KCNG2: variants seen among roughly 807,000 people sequenced by gnomAD.
KCNG2 encodes the protein potassium voltage-gated channel modifier subfamily G member 2.
In KCNG2, 7 loss-of-function variants were observed where a neutral mutation model predicts 12.3. The ratio of observed to expected loss-of-function variants is 0.57; its 90% CI spans 0.32 to 1.07. The LOEUF is 1.07. Ranked by LOEUF, KCNG2 falls within the 50% of genes least tolerant of loss-of-function variation. The pLI is 0.04. For missense variants in KCNG2, 703 were observed against 726.0 expected (o/e 0.97, Z 0.36); for synonymous variants, 414 against 351.4 (o/e 1.18, Z -1.99).
chr18:79,892,794 G>A (rs1415718473), intron 3 of KCNG2, among the ~76,000 whole-genome samples: 1 of 151,150 alleles, frequency 6.6e-6, no homozygotes, highest in Non-Finnish European at 1.5e-5. Flanking sequence ...TTGGGTCTGT[G>A]TCTGCTTTTC....
rs773489126 is a variant in KCNG2 at position 79,899,726 on chromosome 18, C to G, written c.1311C>G (p.Ala437=). Residue 437 remains alanine (A), a synonymous_variant, in exon 4 of 4, where the codon GCC becomes GCG. Coordinates refer to ENST00000316249, the MANE Select transcript of KCNG2 (RefSeq NM_012283.2). ...PALQEDSTHS[A]TATEDSSQGP... is the part of the protein sequence containing the mutation. ...TGCAGGAGGACAGCACGCACTCGGC[C>G]ACAGCCACCGAGGACAGCTCGCAGG... The G allele has an allele frequency of 6.2e-7, 1 of 1,601,362 alleles. No homozygotes were observed. Among genetic ancestry groups the G allele is most frequent in the Non-Finnish European group, 8.5e-7 (1 of 1,176,716 alleles).
chr18:79,853,452 C>T (rs1978896324), intron 1 of KCNG2, among the ~76,000 whole-genome samples: 1 of 152,064 alleles, frequency 6.6e-6, no homozygotes. Flanking sequence ...GCGGGACTCG[C>T]CTGGGTGCCG....
chr18:79,823,433 C>T (rs769116149), intron 1 of KCNG2, among the ~76,000 whole-genome samples: 1 of 152,320 alleles, frequency 6.6e-6, no homozygotes, highest in South Asian at 2.1e-4. Flanking sequence ...TGCCCCGTGT[C>T]GAGCGCTGTT....
intron 1 of KCNG2, among the ~76,000 whole-genome samples, chr18:79,817,535 A>G (rs1483464121): frequency 2.0e-5 from 3 of 152,226 alleles, no homozygotes; most frequent in African/African-American, 4.8e-5. Flanking sequence ...ATTATCACAT[A>G]CATGTGGTTG....
chr18:79,863,923 C>A lies in KCNG2; in HGVS notation c.256C>A (p.Arg86Ser). 7.2e-7 allele frequency: 1 copy of A among 1,380,006 alleles called. No homozygotes were observed. The highest frequency in any genetic ancestry group is 9.4e-7 in the Non-Finnish European group (1 of 1,061,746). 85.5% of individuals were successfully genotyped at this position (1,380,006 alleles called of 1,614,324 possible). A position where few individuals can be genotyped will look rare whatever the true frequency, so the allele number is the denominator to read the frequency against. The change falls in exon 3 of 4, where the codon CGC (arginine) becomes AGC (serine). Residue 86 changes from arginine (R) to serine (S), a missense_variant. By Grantham distance (110) the Arg-to-Ser change is moderately radical (BLOSUM62 -1). Coordinates refer to ENST00000316249, the MANE Select transcript of KCNG2 (RefSeq NM_012283.2). Reference protein sequence around the residue: ...CAFRAIVALLRAGKLRLLRGP... With the variant: ...CAFRAIVALLSAGKLRLLRGP... ...CTTCCGCGCCATCGTGGCGCTTTTGCGCGCAGGGAAGCTGCGACTGCTGCG... is the reference window on the plus strand; with the variant it reads ...CTTCCGCGCCATCGTGGCGCTTTTGAGCGCAGGGAAGCTGCGACTGCTGCG...
At chr18:79,867,192 GA>G (rs1375519761) in intron 3 of KCNG2, among the ~76,000 whole-genome samples, 1 of 151,686 alleles carries the variant, frequency 6.6e-6, no homozygotes, top group African/African-American at 2.4e-5. Context: ...GGTGCTGAGA[GA>G]TCTGGGTGCT....
intron 1 of KCNG2, among the ~76,000 whole-genome samples, chr18:79,820,194 G>A (rs906935736): frequency 9.9e-5 from 15 of 152,208 alleles, no homozygotes; most frequent in African/African-American, 3.4e-4. Flanking sequence ...GTCGGCGCTT[G>A]TATCCTCTGT....
At position 79,864,078 on chromosome 18, in the gene KCNG2, GACGGAGC is replaced by G; in HGVS notation, c.412_418del (p.Thr138AlafsTer57). The G allele has an allele frequency of 1.9e-6, 2 of 1,063,360 alleles. No homozygotes were observed. Among genetic ancestry groups the G allele is most frequent in the African/African-American group, 3.4e-5 (2 of 58,046 alleles). The allele number at this position is 1,063,360 out of a possible 1,614,324, so 65.9% of individuals were successfully genotyped here. ...AGGCGGCCGAGGCCCGCGCGGGGCC[GACGGAGC>G]GCGGGGCGCAGGGGAGCCCGGCGCG... On this transcript the variant is annotated frameshift_variant, in exon 3 of 4. Transcript: ENST00000316249. LOFTEE classifies it high-confidence loss of function.
At chr18:79,881,667 T>C (rs1450365275) in intron 3 of KCNG2, among the ~76,000 whole-genome samples, 1 of 152,232 alleles carries the variant, frequency 6.6e-6, no homozygotes, top group Non-Finnish European at 1.5e-5. Flanking sequence ...GTGACTAAGA[T>C]GTCCACCCTC....
intron 1 of KCNG2, among the ~76,000 whole-genome samples, chr18:79,855,062 T>A (rs376309651): frequency 4.6e-5 from 7 of 152,350 alleles, no homozygotes; most frequent in African/African-American, 1.7e-4. Flanking sequence ...TTTTTTGTAA[T>A]GTCTTTGCTT....
At chr18:79,895,142 A>G (rs951387165) in intron 3 of KCNG2, among the ~76,000 whole-genome samples, 17 of 150,888 alleles carry the variant, frequency 1.1e-4, no homozygotes, top group African/African-American at 4.2e-4. Context: ...TAATGGTACA[A>G]TTGATATAGT....
intron 1 of KCNG2, among the ~76,000 whole-genome samples, chr18:79,814,219 T>C (rs1369385519): frequency 6.6e-6 from 1 of 152,186 alleles, no homozygotes; most frequent in Non-Finnish European, 1.5e-5. Flanking sequence ...AACATGTCAC[T>C]CCCGTATGAC....
intron 3 of KCNG2, among the ~76,000 whole-genome samples, chr18:79,871,604 A>G (rs928475564): frequency 3.9e-5 from 6 of 152,086 alleles, no homozygotes; most frequent in African/African-American, 1.4e-4. Context: ...CAGCAAGTCG[A>G]GTGGGCGGTG....
intron 1 of KCNG2, among the ~76,000 whole-genome samples, chr18:79,819,816 C>T (rs907397244): frequency 2.0e-5 from 3 of 152,224 alleles, no homozygotes; most frequent in African/African-American, 7.2e-5. Context: ...TCTTCCATTG[C>T]CCTCAACAGG....
At chr18:79,830,661 C>T (rs143859878) in intron 1 of KCNG2, among the ~76,000 whole-genome samples, 9 of 152,274 alleles carry the variant, frequency 5.9e-5, no homozygotes, top group Non-Finnish European at 1.0e-4. Flanking sequence ...GCATTCCCTG[C>T]GGACAGAGCC....
chr18:79,888,718 TCTCA>T (rs946296649), intron 3 of KCNG2, among the ~76,000 whole-genome samples: 7 of 151,680 alleles, frequency 4.6e-5, no homozygotes, highest in African/African-American at 1.7e-4. Flanking sequence ...TTTTAGAGAG[TCTCA>T]CTCTGTCGCC....
intron 1 of KCNG2, among the ~76,000 whole-genome samples, chr18:79,838,326 G>A (rs113365976): frequency 6.6e-6 from 1 of 151,946 alleles, no homozygotes; most frequent in African/African-American, 2.4e-5. Context: ...GAGCATAATG[G>A]AATAAAACTG....
In KCNG2 at chr18:79,803,126, C is replaced by T. The variant is rs992211610; in HGVS notation, c.-115+5112C>T. ...CCGGAAGGCGGAGCTTGCAGTGAGCCGAGATCGCGCCACTGCACTCCAGCC... is the reference window on the plus strand; with the variant it reads ...CCGGAAGGCGGAGCTTGCAGTGAGCTGAGATCGCGCCACTGCACTCCAGCC... On this transcript the variant is annotated intron_variant, in intron 1 of 3. Coordinates refer to ENST00000316249, the MANE Select transcript of KCNG2 (RefSeq NM_012283.2). This position sits in a 1 kb window ranked among gnomAD's most constrained non-coding sequence, Gnocchi z 4.5. Among the ~76,000 whole-genome samples the T allele has an allele frequency of 2.0e-5, 3 of 152,084 alleles. No homozygotes were observed. The highest frequency in any genetic ancestry group is 2.9e-5 in the Non-Finnish European group (2 of 68,016).
intron 1 of KCNG2, among the ~76,000 whole-genome samples, chr18:79,811,666 A>G (rs1030512816): frequency 2.0e-5 from 3 of 152,244 alleles, no homozygotes; most frequent in African/African-American, 7.2e-5. Context: ...TATGACTACT[A>G]TTTTAAAGTA....
Sources: allele counts gnomAD v4.1 joint callset (sites outside exome capture counted in the v4.1 genomes callset), GRCh38; gene constraint gnomAD v4.1.1; non-coding constraint Gnocchi (gnomAD v3.1); transcripts MANE v1.5; gene names NCBI Gene and HGNC (gene_info 2026-07-23, HGNC 2026-07-21).